Variants in SCAPER observed in about 807,000 individuals in gnomAD.
SCAPER encodes the protein S-phase cyclin A associated protein in the ER, also known as S phase cyclin A-associated protein in the endoplasmic reticulum.
SCAPER carries 98 observed loss-of-function variants against 182.2 expected under a neutral mutation model. The observed-to-expected ratio is 0.54, with a 90% CI of 0.46 to 0.64. SCAPER has a LOEUF of 0.64. Ranked by LOEUF, SCAPER falls within the 30% of genes least tolerant of loss-of-function variation. The probability of loss-of-function intolerance (pLI) is 0.00; values close to 1 mark genes in which losing one functional copy is unlikely to be tolerated. For synonymous variants in SCAPER, 605 were observed against 564.6 expected (o/e 1.07, Z -1.01); for missense variants, 1,432 against 1,690.0 (o/e 0.85, Z 2.68).
intron 29 of SCAPER, among the ~76,000 whole-genome samples, chr15:76,365,660 AT>A (rs34465105): frequency 2.4e-4 from 37 of 151,804 alleles, no homozygotes; most frequent in Non-Finnish European, 4.7e-4. Flanking sequence ...TTTATTTTGG[AT>A]TTTTTTTGAA....
chr15:76,637,112 T>G (rs2146320629), intron 21 of SCAPER, among the ~76,000 whole-genome samples: 1 of 152,164 alleles, frequency 6.6e-6, no homozygotes, highest in South Asian at 2.1e-4. Context: ...CCACCTAACT[T>G]TAGAACATTT....
At chr15:76,768,280 ACAGT>A (rs2063229066) in intron 10 of SCAPER, among the ~76,000 whole-genome samples, 1 of 152,310 alleles carries the variant, frequency 6.6e-6, no homozygotes, top group African/African-American at 2.4e-5. Context: ...TCATAATAGC[ACAGT>A]GGAAACAACC....
Position 76,766,928 on chromosome 15 carries a change from C to G in SCAPER, c.1409G>C (p.Ser470Thr). ...NDINIETDND[S>T]DFSASMGSGS... ...AGTCTAAAAGCTCACAGAAAAATCA[C>G]TGTCGTTGTCAGTTTCAATGTTAAT... The change falls in exon 11 of 32, where the codon AGT becomes ACT. Residue 470 changes from serine (S) to threonine (T), a missense_variant. By Grantham distance (58) the Ser-to-Thr change is moderately conservative (BLOSUM62 1). This residue lies in a region of SCAPER where 128 missense variants were observed against 149.9 expected (regional missense o/e 0.85). Coordinates refer to ENST00000563290, the MANE Select transcript of SCAPER (RefSeq NM_020843.4). 1 of 1,588,328 alleles carries G rather than the reference C, an allele frequency of 6.3e-7. No individual in the cohort carries two copies. Among genetic ancestry groups the G allele is most frequent in the Non-Finnish European group, 8.5e-7 (1 of 1,173,550 alleles).
chr15:76,711,133 T>C (rs1234429409), intron 17 of SCAPER, among the ~76,000 whole-genome samples: 3 of 152,200 alleles, frequency 2.0e-5, no homozygotes, highest in South Asian at 4.1e-4. Context: ...TGTGGTTTCT[T>C]TTTGTGTTAG....
At chr15:76,622,943 C>T (rs2052228009) in intron 21 of SCAPER, among the ~76,000 whole-genome samples, 1 of 152,130 alleles carries the variant, frequency 6.6e-6, no homozygotes, top group Non-Finnish European at 1.5e-5. Flanking sequence ...AGGTGCCCTC[C>T]CTATAGGAGT....
chr15:76,698,438 T>C (rs950922350), intron 20 of SCAPER, among the ~76,000 whole-genome samples: 1 of 152,192 alleles, frequency 6.6e-6, no homozygotes, highest in Admixed American at 6.5e-5. Context: ...ACTAATCTAA[T>C]GCCAAAAGTT....
chr15:76,467,008 G>C (rs2049721731), intron 25 of SCAPER, among the ~76,000 whole-genome samples: 1 of 152,050 alleles, frequency 6.6e-6, no homozygotes, highest in Admixed American at 6.6e-5. Flanking sequence ...TGCTGTTCTT[G>C]TGATAGTGAG....
At chr15:76,811,218 T>C (rs911939031) in intron 5 of SCAPER, among the ~76,000 whole-genome samples, 2 of 150,596 alleles carry the variant, frequency 1.3e-5, no homozygotes, top group African/African-American at 4.9e-5. Context: ...AGTGCACACA[T>C]ATTTTTCAGG....
In SCAPER at chr15:76,819,049, A is replaced by G. The variant is rs563081789; in HGVS notation, c.394-14416T>C. 8.1e-3 allele frequency among the ~76,000 whole-genome samples: 1,235 copies of G among 152,334 alleles called. 13 individuals carry two copies. The highest frequency in any genetic ancestry group is 0.028 in the African/African-American group (1,171 of 41,572). ...CAGCGAGGCAGGGGGAGGAGCACCC[A>G]CCATTGCCAAGACTTGAGTAGGTAA... On this transcript the variant is annotated intron_variant, in intron 5 of 31. Transcript: ENST00000563290.
chr15:76,513,788 A>C (rs892726024), intron 23 of SCAPER, among the ~76,000 whole-genome samples: 2 of 152,216 alleles, frequency 1.3e-5, no homozygotes, highest in African/African-American at 4.8e-5. Flanking sequence ...ATCCTTAACC[A>C]TAATTATCTT....
intron 2 of SCAPER, among the ~76,000 whole-genome samples, chr15:76,869,024 C>CTA (rs2072505888): frequency 1.3e-5 from 2 of 152,128 alleles, no homozygotes; most frequent in Admixed American, 6.5e-5. Context: ...AAAGAACACC[C>CTA]TATTCAATAA....
intron 21 of SCAPER, among the ~76,000 whole-genome samples, chr15:76,665,415 G>A (rs897727248): frequency 1.2e-4 from 19 of 152,158 alleles, no homozygotes; most frequent in Non-Finnish European, 2.5e-4. Context: ...CACAAGTTTG[G>A]CAGAGCTTTG....
At chr15:76,584,213 A>T (rs2048464451) in intron 22 of SCAPER, among the ~76,000 whole-genome samples, 2 of 152,172 alleles carry the variant, frequency 1.3e-5, no homozygotes, top group Admixed American at 1.3e-4. Context: ...GGGAGCTAAA[A>T]ATTAAAACAA....
intron 21 of SCAPER, among the ~76,000 whole-genome samples, chr15:76,649,545 A>T (rs1006853947): frequency 1.3e-5 from 2 of 151,006 alleles, no homozygotes; most frequent in Admixed American, 1.3e-4. Context: ...AAATATATAT[A>T]TATGCATTTT....
intron 17 of SCAPER, among the ~76,000 whole-genome samples, chr15:76,713,546 G>A (rs528180529): frequency 2.6e-5 from 4 of 151,706 alleles, no homozygotes; most frequent in South Asian, 2.1e-4. Context: ...ACCAAACACC[G>A]CATGTTCTTA....
At chr15:76,885,607 C>T (rs1436941079) in intron 1 of SCAPER, among the ~76,000 whole-genome samples, 1 of 152,206 alleles carries the variant, frequency 6.6e-6, no homozygotes, top group African/African-American at 2.4e-5. Flanking sequence ...CCTCAGCCTC[C>T]TGAGTAGCTG....
rs535631210 is a variant in SCAPER at position 76,363,764 on chromosome 15, T to C, written c.3856-9624A>G. On this transcript the variant is annotated intron_variant, in intron 29 of 31. Coordinates refer to ENST00000563290, the MANE Select transcript of SCAPER (RefSeq NM_020843.4). ...GTAAATCATTGGAACAAAGAATATT[T>C]TTCTAGCAGAGCAGAAATAAAGTAG... Among the ~76,000 whole-genome samples, 4 of 152,338 alleles carry C rather than the reference T, an allele frequency of 2.6e-5. No homozygotes were observed. In the East Asian group the frequency reaches 7.7e-4, roughly 29 times the overall value.
intron 20 of SCAPER, among the ~76,000 whole-genome samples, chr15:76,674,568 G>A (rs1184095036): frequency 6.6e-6 from 1 of 152,024 alleles, no homozygotes; most frequent in African/African-American, 2.4e-5. Context: ...TTCCCCTTCT[G>A]CAAATTCCAA....
At position 76,383,118 on chromosome 15, in the gene SCAPER, A is replaced by ACACC. The variant is rs1491574337; in HGVS notation, c.3468-1504_3468-1503insGGTG. ...TGTGTGTGTAAATACACACACACAC[A>ACACC]CCTACACACACATATATATACATAT... On this transcript the variant is annotated intron_variant, in intron 27 of 31. Transcript: ENST00000563290. 8.9e-5 allele frequency among the ~76,000 whole-genome samples: 13 copies of ACACC among 146,824 alleles called. 1 individual carries two copies. The highest frequency in any genetic ancestry group is 6.7e-4 in the South Asian group (3 of 4,448).
Sources: gnomAD v4.1 joint callset for allele counts (sites outside exome capture counted in the v4.1 genomes callset) on GRCh38, gnomAD v4.1.1 for gene constraint, gnomAD v4.1.1 regional missense constraint, MANE v1.5 for transcripts, NCBI Gene and HGNC (gene_info 2026-07-23, HGNC 2026-07-21) for gene names.